ADCY10: variants seen among roughly 807,000 people sequenced by gnomAD.
ADCY10 encodes adenylate cyclase 10, also known as adenylate cyclase type 10.
Under a neutral mutation model 183.3 loss-of-function variants are expected in ADCY10, and 156 were observed. That is an observed-to-expected ratio of 0.85 (90% CI 0.75 to 0.97). The LOEUF is 0.97. Among genes scored for constraint, ADCY10 ranks in the 50% least tolerant of loss-of-function variants. The pLI is 0.00. For missense variants in ADCY10, 1,745 were observed against 1,934.3 expected (o/e 0.90, Z 1.84); for synonymous variants, 645 against 670.0 (o/e 0.96, Z 0.58).
At chr1:167,865,796 T>C (rs1666635045) in intron 14 of ADCY10, among the ~76,000 whole-genome samples, 1 of 152,252 alleles carries the variant, frequency 6.6e-6, no homozygotes, top group Non-Finnish European at 1.5e-5. Flanking sequence ...TTGTTATGCT[T>C]GTGCACATGG....
rs1006920889 is a variant in ADCY10, at chr1:167,913,426, A to G, written c.-59+550T>C. Among the ~76,000 whole-genome samples, 52 of 152,250 alleles carry G rather than the reference A, an allele frequency of 3.4e-4. 1 individual carries two copies. The highest frequency in any genetic ancestry group is 1.3e-3 in the African/African-American group (52 of 41,466). On this transcript the variant is annotated intron_variant, in intron 1 of 32. Transcript: ENST00000367851. ...CCAAAGAGGGAGATACTCTGAACTT[A>G]AAGGCACAGTGTTACCTGTCATGAA...
In ADCY10 at chr1:167,903,942, T is replaced by C; in HGVS notation, c.198A>G (p.Arg66=). 6.2e-7 allele frequency: 1 copy of C among 1,614,038 alleles called. No homozygotes were observed. The highest frequency in any genetic ancestry group is 8.5e-7 in the Non-Finnish European group (1 of 1,179,914). The change falls in exon 3 of 33, where the codon AGA becomes AGG. Residue 66 remains arginine, a synonymous_variant. Transcript: ENST00000367851. The part of the protein sequence containing the change: ...EKFSSAMYMD[R]GAEQLVEILN... Reference sequence around the variant, plus strand: ...GGATCTCCACCAACTGCTCAGCCCCTCTGTCCATGTACATGGCACTGCTGA... The same window carrying C: ...GGATCTCCACCAACTGCTCAGCCCCCCTGTCCATGTACATGGCACTGCTGA...
chr1:167,898,254 C>T, intron 6 of ADCY10, among the ~76,000 whole-genome samples: 1 of 151,846 alleles, frequency 6.6e-6, no homozygotes, highest in Non-Finnish European at 1.5e-5. Flanking sequence ...TTCAACTTTT[C>T]TGTAAGTCTA....
intron 8 of ADCY10, among the ~76,000 whole-genome samples, chr1:167,888,772 A>G (rs1668398737): frequency 6.7e-6 from 1 of 148,636 alleles, no homozygotes; most frequent in African/African-American, 2.5e-5. Flanking sequence ...GCTACTCAGG[A>G]GGCTGAGGCA....
intron 13 of ADCY10, among the ~76,000 whole-genome samples, chr1:167,872,712 T>A (rs1558215589): frequency 6.7e-6 from 1 of 150,290 alleles, no homozygotes; most frequent in Non-Finnish European, 1.5e-5. Context: ...AGGAAAGGTA[T>A]GTGGACCTGA....
intron 25 of ADCY10, among the ~76,000 whole-genome samples, chr1:167,830,460 C>T (rs565023067): frequency 2.0e-5 from 3 of 151,964 alleles, no homozygotes; most frequent in Admixed American, 1.3e-4. Context: ...GGCATGATCT[C>T]AGCTCACTGC....
Position 167,845,971 on chromosome 1 carries a change from C to T in ADCY10, c.2716+14G>A. 6.2e-7 allele frequency: 1 copy of T among 1,614,180 alleles called. No homozygotes were observed. Among genetic ancestry groups the T allele is most frequent in the African/African-American group, 1.3e-5 (1 of 75,040 alleles). On this transcript the variant is annotated intron_variant, in intron 20 of 32. Transcript: ENST00000367851. ...TCCTTAAGAGGAAATTGGGTCACTC[C>T]AGGTGCTACTCACCCATCCCTTCAC...
chr1:167,821,927 T>A (rs982033861), intron 30 of ADCY10, 97 bp downstream of exon 30: 27 of 866,642 alleles, frequency 3.1e-5, no homozygotes, highest in Non-Finnish European at 4.1e-5. Context: ...GTCTCAGGTA[T>A]AAATTATGAA....
At chr1:167,817,314 G>T (rs576545728) in intron 31 of ADCY10, among the ~76,000 whole-genome samples, 1 of 152,158 alleles carries the variant, frequency 6.6e-6, no homozygotes, top group African/African-American at 2.4e-5. Flanking sequence ...GCAGTGAGTC[G>T]AGATTGCGCC....
At chr1:167,874,402 G>A (rs1440199099) in intron 13 of ADCY10, among the ~76,000 whole-genome samples, 1 of 152,054 alleles carries the variant, frequency 6.6e-6, no homozygotes, top group Non-Finnish European at 1.5e-5. Context: ...CCACATCAGG[G>A]AAATACAAAT....
rs115725485 is a variant in ADCY10 at position 167,813,323 on chromosome 1, G to A, written c.4483-2410C>T. The stretch of plus-strand genomic sequence containing the variant: ...CAGATTTCTCATCTGAAAATTTAGA[G>A]GTCAGAAGGCAGTGGGCCAATACAT... On this transcript the variant is annotated intron_variant, in intron 31 of 32. Coordinates refer to ENST00000367851, the MANE Select transcript of ADCY10 (RefSeq NM_018417.6). 7.3e-3 allele frequency among the ~76,000 whole-genome samples: 1,103 copies of A among 151,872 alleles called. 10 individuals are homozygous for A. Among genetic ancestry groups the A allele is most frequent in the African/African-American group, 0.025 (1,031 of 41,414 alleles).
chr1:167,833,064 C>T lies in ADCY10; in HGVS notation c.3516G>A (p.Leu1172=). The change falls in exon 25 of 33, where the codon TTG becomes TTA. Residue 1172 remains leucine, a synonymous_variant. Transcript: ENST00000367851. ...NRIFPYNLIS[L]FLHIHVEKNR... is the part of the protein sequence containing the mutation. ...TTTTCTCGACATGGATATGGAGAAA[C>T]AAGGAGATTAAGTTGTAAGGAAAGA... 6.2e-7 allele frequency: 1 copy of T among 1,614,088 alleles called. No individual in the cohort carries two copies. Among genetic ancestry groups the T allele is most frequent in the African/African-American group, 1.3e-5 (1 of 75,002 alleles).
At chr1:167,890,012 T>C (rs1668486927) in intron 8 of ADCY10, among the ~76,000 whole-genome samples, 1 of 152,366 alleles carries the variant, frequency 6.6e-6, no homozygotes, top group East Asian at 1.9e-4. Context: ...ACAGCTTTTT[T>C]GAATTACCTG....
At chr1:167,843,920 T>C (rs888494221) in intron 21 of ADCY10, among the ~76,000 whole-genome samples, 6 of 152,182 alleles carry the variant, frequency 3.9e-5, no homozygotes, top group African/African-American at 1.4e-4. Context: ...ACCCTCTACA[T>C]CCTCTTCCTC....
rs1220911381 is a variant in ADCY10, at chr1:167,809,622, A to C, written c.*56T>G. The C allele has an allele frequency of 2.5e-6, 4 of 1,593,258 alleles. No homozygotes were observed. The highest frequency in any genetic ancestry group is 1.7e-5 in the Admixed American group (1 of 59,972). On this transcript the variant is annotated 3_prime_UTR_variant, in exon 33 of 33. Coordinates refer to ENST00000367851, the MANE Select transcript of ADCY10 (RefSeq NM_018417.6). ...AGTGGGCCAGCCACGGAGAAAGGTC[A>C]ATAATAGATAATCACAAGGACATAG...
At chr1:167,826,685 G>A (rs916656623) in intron 26 of ADCY10, among the ~76,000 whole-genome samples, 2 of 152,202 alleles carry the variant, frequency 1.3e-5, no homozygotes, top group Non-Finnish European at 2.9e-5. Context: ...CAGCTGAAGA[G>A]GTCCTTGCTT....
intron 21 of ADCY10, among the ~76,000 whole-genome samples, chr1:167,840,126 G>A (rs1462890017): frequency 2.0e-5 from 3 of 151,942 alleles, no homozygotes; most frequent in African/African-American, 7.3e-5. Context: ...CACCTACTTG[G>A]GAGTCTGAGG....
At chr1:167,891,309 A>G (rs1433665499) in intron 8 of ADCY10, among the ~76,000 whole-genome samples, 2 of 151,792 alleles carry the variant, frequency 1.3e-5, no homozygotes, top group African/African-American at 4.8e-5. Flanking sequence ...GGGTGGTGGT[A>G]TATTTCATTT....
intron 23 of ADCY10, 81 bp downstream of exon 23, chr1:167,836,228 A>C (rs1339462220): frequency 8.7e-6 from 8 of 915,114 alleles, no homozygotes; most frequent in Non-Finnish European, 1.4e-5. Flanking sequence ...AGTAATCAGA[A>C]AGCATGCTGG....
Sources: allele counts gnomAD v4.1 joint callset (sites outside exome capture counted in the v4.1 genomes callset), GRCh38; gene constraint gnomAD v4.1.1; transcripts MANE v1.5; gene names NCBI Gene and HGNC (gene_info 2026-07-23, HGNC 2026-07-21).